NXPH1: variants seen among roughly 807,000 people sequenced by gnomAD.
NXPH1 encodes the protein neurexophilin-1.
Under a neutral mutation model 23.7 loss-of-function variants are expected in NXPH1, and 5 were observed. The ratio of observed to expected loss-of-function variants is 0.21; its 90% CI spans 0.11 to 0.44. NXPH1 has a LOEUF of 0.44. Among genes scored for constraint, NXPH1 ranks in the 20% least tolerant of loss-of-function variants. The pLI is 0.99. For missense variants in NXPH1, 324 were observed against 321.6 expected (o/e 1.01, Z -0.06); for synonymous variants, 144 against 122.2 (o/e 1.18, Z -1.18).
chr7:8,740,477 C>G (rs1583256041), intron 2 of NXPH1, among the ~76,000 whole-genome samples: 1 of 152,140 alleles, frequency 6.6e-6, no homozygotes, highest in African/African-American at 2.4e-5. Flanking sequence ...AAATGTGGCT[C>G]TAAGAGATAG....
chr7:8,458,315 G>T (rs1816635194), intron 2 of NXPH1, among the ~76,000 whole-genome samples: 1 of 152,144 alleles, frequency 6.6e-6, no homozygotes, highest in Admixed American at 6.5e-5. Flanking sequence ...AGTGGGGGAA[G>T]GAAACAACCC....
chr7:8,613,653 G>T (rs1819667475), intron 2 of NXPH1, among the ~76,000 whole-genome samples: 1 of 151,936 alleles, frequency 6.6e-6, no homozygotes, highest in Non-Finnish European at 1.5e-5. Flanking sequence ...ACAGTTAGTA[G>T]AGGCTGTTGG....
At chr7:8,728,449 C>T (rs922201547) in intron 2 of NXPH1, among the ~76,000 whole-genome samples, 4 of 152,138 alleles carry the variant, frequency 2.6e-5, no homozygotes, top group Non-Finnish European at 5.9e-5. Flanking sequence ...AGTTTTTGCC[C>T]ATTCAGTATG....
chr7:8,510,602 G>T (rs1817595342), intron 2 of NXPH1, among the ~76,000 whole-genome samples: 1 of 152,096 alleles, frequency 6.6e-6, no homozygotes, highest in African/African-American at 2.4e-5. Flanking sequence ...TTGGTTTTAG[G>T]TAGAATGAGA....
chr7:8,598,873 A>G (rs1474767630), intron 2 of NXPH1, among the ~76,000 whole-genome samples: 1 of 152,118 alleles, frequency 6.6e-6, no homozygotes, highest in Non-Finnish European at 1.5e-5. Flanking sequence ...TGATCATTGT[A>G]TGCCTGCTGT....
chr7:8,503,530 T>C (rs1358977978), intron 2 of NXPH1, among the ~76,000 whole-genome samples: 1 of 152,052 alleles, frequency 6.6e-6, no homozygotes, highest in African/African-American at 2.4e-5. Context: ...GTTTTCTTGA[T>C]ACTTTTTCTG....
intron 2 of NXPH1, among the ~76,000 whole-genome samples, chr7:8,562,937 G>A (rs935552131): frequency 6.6e-6 from 1 of 151,614 alleles, no homozygotes; most frequent in Non-Finnish European, 1.5e-5. Context: ...CAGAAAAGAT[G>A]CCATCAAAAG....
At chr7:8,618,526 A>G (rs1341510911) in intron 2 of NXPH1, among the ~76,000 whole-genome samples, 1 of 152,140 alleles carries the variant, frequency 6.6e-6, no homozygotes, top group African/African-American at 2.4e-5. Flanking sequence ...CATACTCTTT[A>G]TGTGCTTGTA....
chr7:8,640,844 C>A (rs1197557526), intron 2 of NXPH1, among the ~76,000 whole-genome samples: 1 of 152,000 alleles, frequency 6.6e-6, no homozygotes. Flanking sequence ...ATCCCAATGA[C>A]TCATGGGGCT....
At chr7:8,629,232 A>C (rs1221669737) in intron 2 of NXPH1, among the ~76,000 whole-genome samples, 1 of 152,142 alleles carries the variant, frequency 6.6e-6, no homozygotes, top group Non-Finnish European at 1.5e-5. Flanking sequence ...AATATTAGGA[A>C]CATTTGTTTT....
chr7:8,530,354 G>A (rs566620494), intron 2 of NXPH1, among the ~76,000 whole-genome samples: 8 of 152,156 alleles, frequency 5.3e-5, no homozygotes, highest in Admixed American at 2.0e-4. Flanking sequence ...AGAACATTTC[G>A]CTCACAAAAA....
At position 8,653,099 on chromosome 7, in the gene NXPH1, C is replaced by G. The variant is rs114431748; in HGVS notation, c.55-97909C>G. 2.2e-3 allele frequency among the ~76,000 whole-genome samples: 338 copies of G among 151,510 alleles called. 1 individual carries two copies. The highest frequency in any genetic ancestry group is 7.8e-3 in the African/African-American group (321 of 41,334). On this transcript the variant is annotated intron_variant, in intron 2 of 2. Coordinates refer to ENST00000405863, the MANE Select transcript of NXPH1 (RefSeq NM_152745.3). ...TGAAGAACTTTTTCACTTTCTGGAG[C>G]GTTTTTCACATTCTCTGCTTTTTTT...
chr7:8,508,492 G>C (rs150689834), intron 2 of NXPH1, among the ~76,000 whole-genome samples: 1 of 152,120 alleles, frequency 6.6e-6, no homozygotes, highest in Non-Finnish European at 1.5e-5. Flanking sequence ...TTCAGTGAAA[G>C]CTATATTATC....
chr7:8,493,766 G>A (rs564976454), intron 2 of NXPH1, among the ~76,000 whole-genome samples: 1 of 152,032 alleles, frequency 6.6e-6, no homozygotes, highest in East Asian at 1.9e-4. Flanking sequence ...TTTGTCTTAA[G>A]CACAAAAGTC....
At chr7:8,558,829 T>A (rs1241401347) in intron 2 of NXPH1, among the ~76,000 whole-genome samples, 3 of 151,804 alleles carry the variant, frequency 2.0e-5, no homozygotes. Context: ...TTTTGTTTCA[T>A]AGATGACTGC....
At chr7:8,658,065 T>C (rs1463990748) in intron 2 of NXPH1, among the ~76,000 whole-genome samples, 4 of 152,150 alleles carry the variant, frequency 2.6e-5, no homozygotes, top group Admixed American at 6.5e-5. Context: ...AACACTGTTT[T>C]TTGAAGGAAG....
chr7:8,719,413 C>A (rs941707198), intron 2 of NXPH1, among the ~76,000 whole-genome samples: 8 of 152,082 alleles, frequency 5.3e-5, no homozygotes, highest in African/African-American at 1.9e-4. Context: ...AAGCATAGAT[C>A]AAAAATATTA....
chr7:8,443,246 G>C (rs978056889), intron 2 of NXPH1, among the ~76,000 whole-genome samples: 1 of 152,230 alleles, frequency 6.6e-6, no homozygotes, highest in African/African-American at 2.4e-5. Flanking sequence ...CTCAGTGGTT[G>C]CGGCGTCACG....
intron 2 of NXPH1, among the ~76,000 whole-genome samples, chr7:8,535,874 T>C (rs1221569029): frequency 1.3e-5 from 2 of 152,028 alleles, no homozygotes; most frequent in Admixed American, 1.3e-4. Context: ...ATGCCATGTT[T>C]ACCTTTTGTT....
Sources: allele counts gnomAD v4.1 joint callset (sites outside exome capture counted in the v4.1 genomes callset), GRCh38; gene constraint gnomAD v4.1.1; transcripts MANE v1.5; gene names NCBI Gene and HGNC (gene_info 2026-07-23, HGNC 2026-07-21).